Variants in PRKAR1A observed in about 807,000 individuals in gnomAD.
PRKAR1A encodes protein kinase cAMP-dependent type I regulatory subunit alpha, also known as cAMP-dependent protein kinase type I-alpha regulatory subunit.
PRKAR1A carries 3 observed loss-of-function variants against 52.0 expected under a neutral mutation model. That is an observed-to-expected ratio of 0.06 (90% CI 0.03 to 0.15). PRKAR1A has a LOEUF of 0.15. Among genes scored for constraint, PRKAR1A ranks in the 10% least tolerant of loss-of-function variants. The pLI, the probability that PRKAR1A is intolerant of heterozygous loss-of-function variation, is 1.00. For missense variants in PRKAR1A, 240 were observed against 477.4 expected, an observed-to-expected ratio of 0.50 and a Z score of 4.63; for synonymous variants, 188 against 168.4, an observed-to-expected ratio of 1.12 and a Z score of -0.90.
At chr17:68,430,314 C>A in the PRKAR1A span, among the ~76,000 whole-genome samples, 1 of 152,062 alleles carries the variant, frequency 6.6e-6, no homozygotes, top group South Asian at 2.1e-4. Context: ...CAATCCAGGA[C>A]GTATTATTCT....
At chr17:68,434,548 A>T in the PRKAR1A span, 42 of 1,613,736 alleles carry the variant, frequency 2.6e-5, no homozygotes, top group Non-Finnish European at 3.5e-5. Flanking sequence ...TTGACATTGA[A>T]CACAGACCTT....
chr17:68,459,024 G>A, the PRKAR1A span, among the ~76,000 whole-genome samples: 48 of 152,186 alleles, frequency 3.2e-4, no homozygotes, highest in South Asian at 9.8e-3. Context: ...TTGGATTTCC[G>A]GTTTGTGTTT....
the PRKAR1A span, chr17:68,444,558 TA>T: frequency 6.2e-7 from 1 of 1,614,112 alleles, no homozygotes; most frequent in Non-Finnish European, 8.5e-7. Flanking sequence ...GTTGTGAATA[TA>T]AATGGACTCT....
Position 68,530,806 on chromosome 17 carries a change from T to A in PRKAR1A, c.*357T>A. ...ATGTAACAGTGCAAGATTTTTTTTT[T>A]AAGTGACATAATTGTCCAGTTATAA... On this transcript the variant is annotated 3_prime_UTR_variant, in exon 11 of 11. Transcript: ENST00000589228. 6 of 1,249,980 alleles carry A rather than the reference T, an allele frequency of 4.8e-6. No homozygotes were observed. The highest frequency in any genetic ancestry group is 1.5e-5 in the African/African-American group (1 of 66,690). The allele number at this position is 1,249,980 out of a possible 1,614,324, so 77.4% of individuals were successfully genotyped here.
chr17:68,457,271 C>G, the PRKAR1A span: 1 of 1,512,248 alleles, frequency 6.6e-7, no homozygotes, highest in Non-Finnish European at 8.9e-7. Context: ...ACAAGCTGCT[C>G]TCAGGACGAC....
At chr17:68,482,164 G>A in the PRKAR1A span, among the ~76,000 whole-genome samples, 72 of 152,268 alleles carry the variant, frequency 4.7e-4, no homozygotes, top group African/African-American at 1.6e-3. Context: ...GATGAGTGGC[G>A]GTGAGTAGGA....
At chr17:68,528,585 A>T in intron 8 of PRKAR1A, 1 of 402,170 alleles carries the variant, frequency 2.5e-6, no homozygotes, top group Non-Finnish European at 4.5e-6. Flanking sequence ...AATCTTCAGG[A>T]ATACTTAAGG....
At chr17:68,517,861 A>G (rs1202696434) in intron 2 of PRKAR1A, among the ~76,000 whole-genome samples, 4 of 152,328 alleles carry the variant, frequency 2.6e-5, no homozygotes, top group Admixed American at 1.3e-4. Flanking sequence ...CCTTCCACCT[A>G]TGAGCCTGTA....
At chr17:68,449,657 C>T in the PRKAR1A span, among the ~76,000 whole-genome samples, 2 of 152,180 alleles carry the variant, frequency 1.3e-5, no homozygotes, top group African/African-American at 4.8e-5. Flanking sequence ...ACGTAAGACG[C>T]CTGCTCCCGC....
chr17:68,541,111 GGA>G, intron 11 of PRKAR1A: 1 of 1,099,166 alleles, frequency 9.1e-7, no homozygotes, highest in Non-Finnish European at 1.3e-6. Context: ...CCCTGGGCAA[GGA>G]CGCGTAAGGC....
At chr17:68,509,319 C>T (rs924773555), upstream of PRKAR1A, among the ~76,000 whole-genome samples, 17 of 152,128 alleles carry the variant, frequency 1.1e-4, no homozygotes, top group African/African-American at 3.9e-4. Flanking sequence ...TGGGTCACCA[C>T]ATCTGGCTAA....
chr17:68,536,138 G>T (rs1336089780), downstream of PRKAR1A: 1 of 454,132 alleles, frequency 2.2e-6, no homozygotes, highest in Admixed American at 2.3e-5. Flanking sequence ...GGTCAGAAGT[G>T]TTATTTGTCC....
At chr17:68,498,032 C>G in the PRKAR1A span, among the ~76,000 whole-genome samples, 34 of 151,314 alleles carry the variant, frequency 2.2e-4, no homozygotes, top group East Asian at 6.5e-3. Context: ...TGCTTGTAAG[C>G]TAGATGGATG....
the PRKAR1A span, among the ~76,000 whole-genome samples, chr17:68,475,700 G>A: frequency 6.6e-6 from 1 of 152,108 alleles, no homozygotes; most frequent in Admixed American, 6.5e-5. Flanking sequence ...CTGACCTTTA[G>A]GCAATCTGCC....
the PRKAR1A span, among the ~76,000 whole-genome samples, chr17:68,472,480 C>T: frequency 4.6e-5 from 7 of 152,064 alleles, no homozygotes; most frequent in African/African-American, 7.2e-5. Context: ...AAAATGGAAA[C>T]GTAGGGTTTC....
At chr17:68,458,372 T>G in the PRKAR1A span, among the ~76,000 whole-genome samples, 1 of 152,210 alleles carries the variant, frequency 6.6e-6, no homozygotes, top group African/African-American at 2.4e-5. Flanking sequence ...ACTAAATAAC[T>G]GCTAAACAGT....
the PRKAR1A span, among the ~76,000 whole-genome samples, chr17:68,442,648 G>A: frequency 1.3e-5 from 2 of 152,046 alleles, no homozygotes; most frequent in Non-Finnish European, 2.9e-5. Context: ...CTGCATGCCC[G>A]ATGTCCCTCC....
chr17:68,542,722 G>T lies in PRKAR1A; in HGVS notation c.974-8362G>T, dbSNP rs756992392. 16 of 1,613,870 alleles carry T rather than the reference G, an allele frequency of 9.9e-6. No individual in the cohort carries two copies. Among genetic ancestry groups the T allele is most frequent in the Non-Finnish European group, 1.3e-5 (15 of 1,179,882 alleles). On this transcript the variant is annotated intron_variant, in intron 11 of 11. Transcript: ENST00000585981. ...GAGAGACAAAGAAAACACTCTGCAG[G>T]ATTTCATTCTTGGTGACCTCTAGGA...
intron 11 of PRKAR1A, chr17:68,542,764 T>A: frequency 6.2e-7 from 1 of 1,614,182 alleles, no homozygotes; most frequent in Non-Finnish European, 8.5e-7. Context: ...TGGTGACATT[T>A]ACTATCCTCC....
Sources: gnomAD v4.1 joint callset for allele counts (sites outside exome capture counted in the v4.1 genomes callset) on GRCh38, gnomAD v4.1.1 for gene constraint, MANE v1.5 for transcripts, NCBI Gene and HGNC (gene_info 2026-07-23, HGNC 2026-07-21) for gene names.